Variants in AVEN observed in about 807,000 individuals in gnomAD.
AVEN encodes cell death regulator Aven.
A neutral mutation model predicts 38.1 loss-of-function variants in AVEN; 41 were observed. That is an observed-to-expected ratio of 1.08 (90% confidence interval 0.84 to 1.40). The LOEUF is 1.40. Ranked by LOEUF, AVEN falls within the 40% of genes most tolerant of loss-of-function variation. AVEN has a pLI of 0.00. For missense variants in AVEN, 605 were observed against 438.8 expected (o/e 1.38, Z -3.38); for synonymous variants, 206 against 171.8 (o/e 1.20, Z -1.56).
intron 2 of AVEN, among the ~76,000 whole-genome samples, chr15:33,904,728 C>CACACACACAT (rs1454976569): frequency 6.7e-6 from 1 of 149,450 alleles, no homozygotes; most frequent in African/African-American, 2.5e-5. Flanking sequence ...CACACACACA[C>CACACACACAT]GAATATGCAC....
chr15:33,941,043 C>A (rs1252824911), intron 2 of AVEN, among the ~76,000 whole-genome samples: 1 of 152,140 alleles, frequency 6.6e-6, no homozygotes, highest in African/African-American at 2.4e-5. Context: ...ACAGGTTATC[C>A]CTCATTCCTA....
In AVEN at chr15:33,951,423, G is replaced by A. The variant is rs535762405; in HGVS notation, c.445+51609C>T. 1.4e-3 allele frequency among the ~76,000 whole-genome samples: 209 copies of A among 151,946 alleles called. 1 individual carries two copies. Among genetic ancestry groups the A allele is most frequent in the Middle Eastern group, 3.4e-3 (1 of 294 alleles). On this transcript the variant is annotated intron_variant, in intron 2 of 5. Coordinates refer to ENST00000306730, the MANE Select transcript of AVEN (RefSeq NM_020371.3). ...CACCGGGGCCTGTCAAGGGGTGGGG[G>A]AGGGAGGAGGGATAGCATTAGGAGA...
chr15:34,014,946 G>C (rs1291589444), intron 1 of AVEN, among the ~76,000 whole-genome samples: 1 of 152,158 alleles, frequency 6.6e-6, no homozygotes, highest in African/African-American at 2.4e-5. Flanking sequence ...TCAGATACAG[G>C]GGGTGAGGGG....
rs912332465 is a variant in AVEN, at chr15:33,913,269, C to T, written c.446-37274G>A. Among the ~76,000 whole-genome samples the T allele has an allele frequency of 1.3e-4, 20 of 152,280 alleles. No homozygotes were observed. The South Asian group carries it at 1.9e-3, about 14-fold the overall frequency. ...AACTCAAACCCCGTGACCATGCCTA[C>T]GTTCAAACAAGGGCTGAAACCAAAT... is the stretch of plus-strand genomic sequence containing the variant. On this transcript the variant is annotated intron_variant, in intron 2 of 5. Transcript: ENST00000306730.
chr15:33,852,252 C>G, the AVEN span: 4 of 152,104 alleles, frequency 2.6e-5, no homozygotes, highest in Non-Finnish European at 5.9e-5. Flanking sequence ...AGGAACCCCC[C>G]CACAGGAAGG....
At chr15:33,925,485 G>C (rs1333786206) in intron 2 of AVEN, among the ~76,000 whole-genome samples, 2 of 152,204 alleles carry the variant, frequency 1.3e-5, no homozygotes, top group Non-Finnish European at 2.9e-5. Flanking sequence ...TAGTTTCCCT[G>C]GTGCTCCAGT....
intron 2 of AVEN, among the ~76,000 whole-genome samples, chr15:33,924,602 G>A (rs978268495): frequency 6.6e-6 from 1 of 152,132 alleles, no homozygotes; most frequent in Non-Finnish European, 1.5e-5. Flanking sequence ...GATTATAGGC[G>A]TGAGCCACCA....
chr15:33,967,291 C>T (rs190674215), intron 2 of AVEN, among the ~76,000 whole-genome samples: 92 of 152,122 alleles, frequency 6.0e-4, no homozygotes, highest in African/African-American at 2.1e-3. Context: ...GATTCTCACT[C>T]AGAAAAAACC....
chr15:34,007,548 C>T (rs1191861207), intron 1 of AVEN, among the ~76,000 whole-genome samples: 2 of 152,170 alleles, frequency 1.3e-5, no homozygotes, highest in African/African-American at 4.8e-5. Flanking sequence ...ACAGTATCTT[C>T]AAGACAACGT....
At chr15:33,902,974 C>T (rs1892549430) in intron 2 of AVEN, among the ~76,000 whole-genome samples, 1 of 152,162 alleles carries the variant, frequency 6.6e-6, no homozygotes, top group Non-Finnish European at 1.5e-5. Context: ...AATGGAGCCA[C>T]TTGTCATTCT....
At chr15:33,899,790 C>G (rs1892414219) in intron 2 of AVEN, among the ~76,000 whole-genome samples, 1 of 152,020 alleles carries the variant, frequency 6.6e-6, no homozygotes, top group Non-Finnish European at 1.5e-5. Context: ...CTATCCTTAA[C>G]TTGCAAGCTA....
intron 2 of AVEN, among the ~76,000 whole-genome samples, chr15:33,897,462 G>T (rs1892279875): frequency 6.6e-6 from 1 of 152,020 alleles, no homozygotes; most frequent in African/African-American, 2.4e-5. Flanking sequence ...TAGAGACAGG[G>T]TTTCACCATG....
chr15:33,976,392 A>C (rs1895888695), intron 2 of AVEN, among the ~76,000 whole-genome samples: 2 of 152,194 alleles, frequency 1.3e-5, no homozygotes, highest in African/African-American at 4.8e-5. Context: ...AATATTTTCA[A>C]ATATATTCTT....
chr15:33,983,215 C>CATATATATAT (rs148035145), intron 2 of AVEN, among the ~76,000 whole-genome samples: 1 of 111,782 alleles, frequency 8.9e-6, no homozygotes, highest in African/African-American at 4.1e-5. Flanking sequence ...TATATATATA[C>CATATATATAT]ATATATATAC....
intron 2 of AVEN, chr15:33,972,162 G>T (rs904324451): frequency 4.6e-5 from 7 of 152,096 alleles, no homozygotes; most frequent in African/African-American, 1.4e-4. Context: ...AAAAGCGGGA[G>T]TAAACATCAT....
In AVEN at chr15:33,867,668, T is replaced by A. The variant is rs750056432; in HGVS notation, c.800A>T (p.Asp267Val). The A allele has an allele frequency of 6.2e-7, 1 of 1,614,134 alleles. No homozygotes were observed. Among genetic ancestry groups the A allele is most frequent in the Non-Finnish European group, 8.5e-7 (1 of 1,180,006 alleles). The change falls in exon 5 of 6, where the codon GAT (aspartate) becomes GTT (valine). Residue 267 changes from aspartate (D) to valine (V), a missense_variant. Asp to Val is a radical substitution (Grantham distance 152, BLOSUM62 -3). Transcript: ENST00000306730. ...CAGTGGGGAAGTGGGTTTCTGAGAA[T>A]CCCTTGAAGGACCCGGGCTTGGGTT... ...KDNPSPGPSRDSQKPTSPLQS... is the reference protein window; with the variant it reads ...KDNPSPGPSRVSQKPTSPLQS...
chr15:33,956,114 A>T (rs1894942373), intron 2 of AVEN, among the ~76,000 whole-genome samples: 1 of 152,116 alleles, frequency 6.6e-6, no homozygotes, highest in Non-Finnish European at 1.5e-5. Context: ...CTCCGCGGTG[A>T]CCAGCATTTG....
At chr15:33,944,585 G>A (rs1894438268) in intron 2 of AVEN, among the ~76,000 whole-genome samples, 2 of 152,252 alleles carry the variant, frequency 1.3e-5, no homozygotes, top group East Asian at 3.9e-4. Flanking sequence ...CGAGGCGGGT[G>A]GATCACGAGG....
At chr15:33,918,804 T>C (rs1361706846) in intron 2 of AVEN, among the ~76,000 whole-genome samples, 1 of 152,092 alleles carries the variant, frequency 6.6e-6, no homozygotes, top group Non-Finnish European at 1.5e-5. Context: ...GATGTTGTCT[T>C]AATTGACTAA....
Sources: gnomAD v4.1 joint callset for allele counts (sites outside exome capture counted in the v4.1 genomes callset) on GRCh38, gnomAD v4.1.1 for gene constraint, MANE v1.5 for transcripts, NCBI Gene and HGNC (gene_info 2026-07-23, HGNC 2026-07-21) for gene names.